The following GREB1L variants were observed in gnomAD, a reference collection of about 807,000 sequenced individuals.
GREB1L encodes the protein GREB1-like protein.
In GREB1L, 17 loss-of-function variants were observed where a neutral mutation model predicts 200.8. That is an observed-to-expected ratio of 0.08 (90% CI 0.06 to 0.13). The LOEUF is 0.13. GREB1L is among the 10% of genes least tolerant of loss of function. The pLI is 1.00. For missense variants in GREB1L, 1,657 were observed against 2,367.7 expected (o/e 0.70, Z 6.23); for synonymous variants, 789 against 893.0 (o/e 0.88, Z 2.08).
chr18:21,499,908 C>T lies in GREB1L; in HGVS notation c.3571C>T (p.Pro1191Ser), dbSNP rs1598933676. ...GAAGCAGGAATGTGACTCCCTGGGC[C>T]CCCAGATGGCGAGCAGCACCACCTC... ...TLKQECDSLG[P>S]QMASSTTSKP... The change falls in exon 22 of 33, where the codon CCC (proline) becomes TCC (serine). Residue 1191 changes from proline to serine, a missense_variant. By Grantham distance (74) the Pro-to-Ser change is moderately conservative. Around this residue, in one of 9 missense-constraint regions of GREB1L, gnomAD observed 512 missense variants for 668.3 expected, o/e 0.77. Transcript: ENST00000424526. 6.5e-7 allele frequency: 1 copy of T among 1,549,658 alleles called. No individual in the cohort carries two copies. The highest frequency in any genetic ancestry group is 2.4e-5 in the East Asian group (1 of 40,888).
At chr18:21,407,601 T>C (rs2030413641) in intron 7 of GREB1L, among the ~76,000 whole-genome samples, 1 of 152,186 alleles carries the variant, frequency 6.6e-6, no homozygotes, top group Non-Finnish European at 1.5e-5. Flanking sequence ...GAAAAATTGA[T>C]AAAATAGGCC....
intron 1 of GREB1L, among the ~76,000 whole-genome samples, 185 bp downstream of exon 1, chr18:21,242,578 C>G (rs1184842723): frequency 6.6e-6 from 1 of 152,106 alleles, no homozygotes; most frequent in Non-Finnish European, 1.5e-5. Context: ...GAGCGGAGCG[C>G]GTGCGGGTGG....
At position 21,516,729 on chromosome 18, in the gene GREB1L, A is replaced by T; in HGVS notation, c.5246A>T (p.Asp1749Val). The change falls in exon 30 of 33, where the codon GAC becomes GTC. Residue 1749 changes from aspartate to valine, a missense_variant. By Grantham distance (152) the Asp-to-Val change is radical. This residue lies in a region of GREB1L where 190 missense variants were observed against 230.2 expected (regional missense o/e 0.83). Coordinates refer to ENST00000424526, the MANE Select transcript of GREB1L (RefSeq NM_001142966.3). ...KKHVQVGGQR[D>V]FIIKPKIMVS... ...CATGTTCAGGTTGGAGGGCAAAGGG[A>T]CTTTATCATTAAACCAAAGATCATG... 5.8e-6 allele frequency: 9 copies of T among 1,551,586 alleles called. No individual in the cohort carries two copies. The highest frequency in any genetic ancestry group is 7.8e-6 in the Non-Finnish European group (9 of 1,146,908).
rs1056799392 is a variant in GREB1L, at chr18:21,525,821, G to C, written c.*3000G>C. Among the ~76,000 whole-genome samples, 2 of 152,056 alleles carry C rather than the reference G, an allele frequency of 1.3e-5. No homozygotes were observed. Among genetic ancestry groups the C allele is most frequent in the African/African-American group, 4.8e-5 (2 of 41,408 alleles). Reference sequence around the variant, plus strand: ...TGAGAATAACAACTTTGTTGTCCCAGAAAAATGGCTTTCAATCTATTAATA... The same window carrying C: ...TGAGAATAACAACTTTGTTGTCCCACAAAAATGGCTTTCAATCTATTAATA... On this transcript the variant is annotated 3_prime_UTR_variant, in exon 33 of 33. Transcript: ENST00000424526.
At chr18:21,271,499 A>C (rs929420099) in intron 1 of GREB1L, among the ~76,000 whole-genome samples, 2 of 151,892 alleles carry the variant, frequency 1.3e-5, no homozygotes, top group Non-Finnish European at 2.9e-5. Flanking sequence ...GCTAAAAAAA[A>C]AAAATAGCCA....
At chr18:21,458,180 A>G (rs901084304) in intron 15 of GREB1L, among the ~76,000 whole-genome samples, 19 of 152,178 alleles carry the variant, frequency 1.2e-4, no homozygotes, top group Admixed American at 9.8e-4. Flanking sequence ...CATGTCGGTC[A>G]GGCTGGTCTC....
chr18:21,372,179 C>T (rs2039901880), intron 2 of GREB1L, among the ~76,000 whole-genome samples: 2 of 148,260 alleles, frequency 1.3e-5, no homozygotes, highest in Non-Finnish European at 3.0e-5. Flanking sequence ...GACAGAGTCT[C>T]GCTCTGTTGC....
chr18:21,421,696 G>A (rs1452390879), intron 7 of GREB1L, among the ~76,000 whole-genome samples: 2 of 152,284 alleles, frequency 1.3e-5, no homozygotes, highest in African/African-American at 4.8e-5. Context: ...GCTACTGTGA[G>A]GTTGTAGTGT....
intron 23 of GREB1L, among the ~76,000 whole-genome samples, chr18:21,502,943 G>T (rs2036858735): frequency 1.3e-5 from 2 of 152,180 alleles, no homozygotes; most frequent in African/African-American, 4.8e-5. Context: ...AAGAAACACT[G>T]TTAGTTTGGC....
intron 19 of GREB1L, among the ~76,000 whole-genome samples, chr18:21,491,712 CAA>C (rs35381989): frequency 8.1e-6 from 1 of 123,908 alleles, no homozygotes. Flanking sequence ...GACTCTGTCT[CAA>C]AAAAAAAAAA....
chr18:21,377,064 A>T (rs188937876), intron 2 of GREB1L, among the ~76,000 whole-genome samples: 5 of 152,306 alleles, frequency 3.3e-5, no homozygotes, highest in Admixed American at 2.0e-4. Flanking sequence ...AATATGAGCA[A>T]ATCTTTCTGC....
chr18:21,268,560 C>CACACACACAT (rs1204514384), intron 1 of GREB1L, among the ~76,000 whole-genome samples: 74 of 63,520 alleles, frequency 1.2e-3, no homozygotes, highest in East Asian at 3.7e-3. Flanking sequence ...CACACACACA[C>CACACACACAT]ATATATATAT....
At chr18:21,518,831 C>T (rs960910380) in intron 31 of GREB1L, among the ~76,000 whole-genome samples, 2 of 152,082 alleles carry the variant, frequency 1.3e-5, no homozygotes, top group Non-Finnish European at 2.9e-5. Context: ...CCTCCAGGCT[C>T]CTACTACTAA....
At chr18:21,391,613 T>C (rs1306577555) in intron 4 of GREB1L, among the ~76,000 whole-genome samples, 3 of 152,246 alleles carry the variant, frequency 2.0e-5, no homozygotes, top group Non-Finnish European at 1.5e-5. Flanking sequence ...TCTTAGTCTC[T>C]TGGGGCCCTT....
intron 11 of GREB1L, among the ~76,000 whole-genome samples, chr18:21,448,548 G>A (rs1381087571): frequency 1.3e-5 from 2 of 152,112 alleles, no homozygotes; most frequent in Non-Finnish European, 2.9e-5. Context: ...TCTTCCATAA[G>A]GGGCTTTTAG....
intron 1 of GREB1L, among the ~76,000 whole-genome samples, chr18:21,330,585 TACTGCTCTG>T (rs951644261): frequency 6.6e-6 from 1 of 152,220 alleles, no homozygotes; most frequent in African/African-American, 2.4e-5. Context: ...AACTGACCTA[TACTGCTCTG>T]ACTCATTAGT....
At chr18:21,466,092 T>C (rs1180045233) in intron 15 of GREB1L, among the ~76,000 whole-genome samples, 1 of 152,224 alleles carries the variant, frequency 6.6e-6, no homozygotes, top group East Asian at 1.9e-4. Flanking sequence ...GTTACGTCCC[T>C]GAAGTTGTTC....
At chr18:21,261,001 A>G (rs1225836588) in intron 1 of GREB1L, among the ~76,000 whole-genome samples, 1 of 151,952 alleles carries the variant, frequency 6.6e-6, no homozygotes, top group African/African-American at 2.4e-5. Context: ...ACTGAGTATT[A>G]TTTTTTAGTT....
Position 21,522,751 on chromosome 18 carries a change from G to A in GREB1L, c.5702G>A (p.Arg1901Gln), listed in dbSNP as rs761396000. Residue 1901 changes from arginine (R) to glutamine (Q), a missense_variant, in exon 33 of 33, where the codon CGG becomes CAG. By Grantham distance (43) the Arg-to-Gln change is conservative. Around this residue, in one of 9 missense-constraint regions of GREB1L, gnomAD observed 190 missense variants for 230.2 expected, o/e 0.83. Transcript: ENST00000424526. ...ELEDEWQFRL[R>Q]DEFQTANSSD... Reference sequence around the variant, plus strand: ...GAAGATGAGTGGCAGTTCCGCCTCCGGGACGAGTTTCAAACTGCTAACAGC... The same window carrying A: ...GAAGATGAGTGGCAGTTCCGCCTCCAGGACGAGTTTCAAACTGCTAACAGC... The A allele has an allele frequency of 2.0e-5, 31 of 1,551,554 alleles. No homozygotes were observed. The highest frequency in any genetic ancestry group is 2.6e-5 in the Non-Finnish European group (30 of 1,146,982).
Sources: gnomAD v4.1 joint callset for allele counts (sites outside exome capture counted in the v4.1 genomes callset) on GRCh38, gnomAD v4.1.1 for gene constraint, gnomAD v4.1.1 regional missense constraint, MANE v1.5 for transcripts, NCBI Gene and HGNC (gene_info 2026-07-23, HGNC 2026-07-21) for gene names.